The following MS4A6E variants were observed in gnomAD, a reference collection of about 807,000 sequenced individuals.
The protein encoded by MS4A6E is membrane spanning 4-domains A6E.
A neutral mutation model predicts 13.2 loss-of-function variants in MS4A6E; 8 were observed. The ratio of observed to expected loss-of-function variants is 0.60; its 90% CI spans 0.35 to 1.09. MS4A6E has a LOEUF of 1.09. MS4A6E is among the 50% of genes least tolerant of loss of function. The probability of loss-of-function intolerance (pLI) is 0.02; values close to 1 mark genes in which losing one functional copy is unlikely to be tolerated. For synonymous variants in MS4A6E, 72 were observed against 67.6 expected, an observed-to-expected ratio of 1.06 and a Z score of -0.32; for missense variants, 177 against 171.1, an observed-to-expected ratio of 1.03 and a Z score of -0.19.
intron 1 of MS4A6E, among the ~76,000 whole-genome samples, chr11:60,331,079 T>C: frequency 6.6e-6 from 1 of 152,228 alleles, no homozygotes; most frequent in East Asian, 1.9e-4. Context: ...TATCTCATAA[T>C]ATCATGTTGT....
downstream of MS4A6E, among the ~76,000 whole-genome samples, chr11:60,342,193 GAGAGAGA>G (rs1444779190): frequency 1.4e-3 from 116 of 85,708 alleles, no homozygotes; most frequent in African/African-American, 3.8e-3. Context: ...GAGAGAGAGA[GAGAGAGA>G]GGGGGGGGGA....
chr11:60,347,109 G>A (rs188835219), intron 4 of MS4A6E, among the ~76,000 whole-genome samples: 221 of 152,234 alleles, frequency 1.5e-3, no homozygotes, highest in Admixed American at 2.7e-3. Context: ...TAGAGATAGT[G>A]CAGCTGGAGG....
chr11:60,332,840 T>C (rs1473129091), intron 1 of MS4A6E, among the ~76,000 whole-genome samples: 1 of 152,262 alleles, frequency 6.6e-6, no homozygotes, highest in East Asian at 1.9e-4. Context: ...GAGGCTACTA[T>C]GTATATAACA....
chr11:60,331,241 TATA>T (rs10549539), intron 1 of MS4A6E, among the ~76,000 whole-genome samples: 52,613 of 151,624 alleles, frequency 0.35, 9,733 homozygotes, highest in East Asian at 0.41. Context: ...AATTTATTAA[TATA>T]ATAATAATCC....
downstream of MS4A6E, among the ~76,000 whole-genome samples, chr11:60,343,500 G>A (rs1021545025): frequency 6.6e-6 from 1 of 152,118 alleles, no homozygotes; most frequent in Non-Finnish European, 1.5e-5. Flanking sequence ...ATCAATTCCC[G>A]GAAAGGTGGT....
rs78790101 is a variant in MS4A6E, at chr11:60,341,275, C to T, written c.*509C>T. On this transcript the variant is annotated 3_prime_UTR_variant, in exon 5 of 5. Coordinates refer to ENST00000684409, the MANE Select transcript of MS4A6E (RefSeq NM_139249.4). ...CTCATTAGTGCATAAAGGCAAACCC[C>T]ATAATGAAGTCTCCGAGTGTATGAA... Among the ~76,000 whole-genome samples the T allele has an allele frequency of 4.2e-3, 644 of 152,266 alleles. 1 individual carries two copies. The highest frequency in any genetic ancestry group is 6.3e-3 in the Non-Finnish European group (427 of 68,030).
At chr11:60,342,201 G>T (rs12796781), downstream of MS4A6E, among the ~76,000 whole-genome samples, 1 of 48,268 alleles carries the variant, frequency 2.1e-5, no homozygotes, top group African/African-American at 7.8e-5. Context: ...GAGAGAGAGA[G>T]GGGGGGGGAG....
intron 1 of MS4A6E, among the ~76,000 whole-genome samples, chr11:60,328,030 A>G (rs2085130839): frequency 1.9e-4 from 1 of 5,264 alleles, no homozygotes; most frequent in Non-Finnish European, 1.2e-3. Context: ...ACTCCATCTC[A>G]AAAAAAAAAA....
At chr11:60,335,170 A>G (rs1375645420) in intron 2 of MS4A6E, 128 bp downstream of exon 2, 43 of 1,326,762 alleles carry the variant, frequency 3.2e-5, no homozygotes, top group Middle Eastern at 1.9e-4. Flanking sequence ...TTTGGGGTAG[A>G]AGCCACTTGG....
At chr11:60,336,456 G>A (rs2085189195) in intron 2 of MS4A6E, among the ~76,000 whole-genome samples, 1 of 152,142 alleles carries the variant, frequency 6.6e-6, no homozygotes, top group Non-Finnish European at 1.5e-5. Flanking sequence ...TGAACATGCA[G>A]GAAGCTCAAG....
At chr11:60,346,244 T>C (rs2085255917), downstream of MS4A6E, among the ~76,000 whole-genome samples, 1 of 152,186 alleles carries the variant, frequency 6.6e-6, no homozygotes, top group African/African-American at 2.4e-5. Context: ...GCCACATCAA[T>C]AGCATCTAGC....
chr11:60,335,061 AT>A lies in MS4A6E; in HGVS notation c.147+20del, dbSNP rs2085180235. 6.2e-7 allele frequency: 1 copy of A among 1,613,420 alleles called. No individual in the cohort carries two copies. Among genetic ancestry groups the A allele is most frequent in the South Asian group, 1.1e-5 (1 of 90,998 alleles). ...TATTGGGGTAAATCTAATTCAGAACATGTTGGAGAGGGGTTAGGGGAAGTGG... is the reference window on the plus strand; with the variant it reads ...TATTGGGGTAAATCTAATTCAGAACAGTTGGAGAGGGGTTAGGGGAAGTGG... On this transcript the variant is annotated intron_variant, in intron 2 of 4. Transcript: ENST00000684409.
downstream of MS4A6E, among the ~76,000 whole-genome samples, chr11:60,344,968 C>T (rs1300018167): frequency 1.3e-5 from 2 of 151,984 alleles, no homozygotes; most frequent in Non-Finnish European, 2.9e-5. Context: ...CAGAGTCTCA[C>T]TCTGTGGCCC....
intron 1 of MS4A6E, among the ~76,000 whole-genome samples, chr11:60,328,928 T>C (rs1176147367): frequency 1.3e-5 from 2 of 152,248 alleles, no homozygotes; most frequent in Non-Finnish European, 2.9e-5. Context: ...GACTAGATTT[T>C]AGCTGCTCTT....
chr11:60,334,379 G>T (rs2085175629), intron 1 of MS4A6E, among the ~76,000 whole-genome samples: 1 of 152,198 alleles, frequency 6.6e-6, no homozygotes, highest in South Asian at 2.1e-4. Context: ...AAGCCACTCT[G>T]TAATGACTGG....
rs976193575 is a variant in MS4A6E, at chr11:60,340,110, C to A, written c.*9+146C>A. The A allele has an allele frequency of 2.0e-5, 25 of 1,238,854 alleles. 1 individual carries two copies. In the Admixed American group the frequency reaches 3.7e-4, roughly 18 times the overall value. 76.7% of individuals were successfully genotyped at this position (1,238,854 alleles called of 1,614,324 possible). On this transcript the variant is annotated intron_variant, in intron 4 of 4. Coordinates refer to ENST00000684409, the MANE Select transcript of MS4A6E (RefSeq NM_139249.4). ...GGTCATTTAAATGGTGATGGAAGAC[C>A]GAGAAGAAAAGCAGATGGTAATTGA...
intron 1 of MS4A6E, among the ~76,000 whole-genome samples, chr11:60,330,255 G>A (rs530530689): frequency 1.0e-4 from 15 of 149,014 alleles, no homozygotes; most frequent in South Asian, 2.1e-4. Context: ...TCTGTAGGTC[G>A]CCTGTTCACT....
chr11:60,346,304 G>A (rs543431075), downstream of MS4A6E, among the ~76,000 whole-genome samples: 81 of 152,306 alleles, frequency 5.3e-4, 1 homozygote, highest in Middle Eastern at 0.031. Context: ...AACAGCTACT[G>A]GAGGCTCTGT....
chr11:60,329,125 T>TA (rs1414965525), intron 1 of MS4A6E, among the ~76,000 whole-genome samples: 1 of 152,178 alleles, frequency 6.6e-6, no homozygotes, highest in Non-Finnish European at 1.5e-5. Flanking sequence ...GTATTTCTCC[T>TA]AATGCTATCC....
Sources: gnomAD v4.1 joint callset for allele counts (sites outside exome capture counted in the v4.1 genomes callset) on GRCh38, gnomAD v4.1.1 for gene constraint, MANE v1.5 for transcripts, NCBI Gene and HGNC (gene_info 2026-07-23, HGNC 2026-07-21) for gene names.